Variants in ARPP21 observed in about 807,000 individuals in gnomAD.
ARPP21 encodes the protein cAMP-regulated phosphoprotein 21.
Under a neutral mutation model 113.2 loss-of-function variants are expected in ARPP21, and 69 were observed. The ratio of observed to expected loss-of-function variants is 0.61; its 90% CI spans 0.50 to 0.74. The LOEUF (loss-of-function observed/expected upper bound fraction) is 0.74, where lower values mean the gene tolerates loss of function less well. Among genes scored for constraint, ARPP21 ranks in the 30% least tolerant of loss-of-function variants. The pLI, the probability that ARPP21 is intolerant of heterozygous loss-of-function variation, is 0.00. For synonymous variants in ARPP21, 368 were observed against 375.5 expected (o/e 0.98, Z 0.23); for missense variants, 1,070 against 1,037.4 (o/e 1.03, Z -0.43).
At chr3:35,665,885 A>G (rs2074243349) in intron 1 of ARPP21, among the ~76,000 whole-genome samples, 1 of 152,146 alleles carries the variant, frequency 6.6e-6, no homozygotes, top group Non-Finnish European at 1.5e-5. Context: ...AGTAAAATGT[A>G]TCCTGCTCAT....
chr3:35,698,558 A>C (rs536408522), intron 9 of ARPP21, among the ~76,000 whole-genome samples: 1 of 151,706 alleles, frequency 6.6e-6, no homozygotes, highest in East Asian at 1.9e-4. Context: ...TTTAAAGGAG[A>C]GAAAACTGAG....
At chr3:35,766,170 G>T (rs1016983461) in intron 19 of ARPP21, among the ~76,000 whole-genome samples, 1 of 152,110 alleles carries the variant, frequency 6.6e-6, no homozygotes, top group African/African-American at 2.4e-5. Flanking sequence ...TGCAACTAGA[G>T]TCATGTTTTT....
intron 19 of ARPP21, among the ~76,000 whole-genome samples, chr3:35,755,493 C>A (rs2095540412): frequency 6.6e-6 from 1 of 151,992 alleles, no homozygotes; most frequent in Non-Finnish European, 1.5e-5. Flanking sequence ...TTTTTCTCTT[C>A]ATCAGTTCTT....
intron 19 of ARPP21, among the ~76,000 whole-genome samples, chr3:35,773,013 A>C (rs2096252408): frequency 6.6e-6 from 1 of 152,198 alleles, no homozygotes; most frequent in Admixed American, 6.5e-5. Context: ...GTGCTTGAAA[A>C]GCTGCTGTTT....
intron 19 of ARPP21, among the ~76,000 whole-genome samples, chr3:35,753,902 T>C (rs757894370): frequency 5.9e-5 from 9 of 151,688 alleles, no homozygotes; most frequent in Non-Finnish European, 8.8e-5. Context: ...TGAGTAAGGG[T>C]TGACAGTGAA....
chr3:35,706,928 C>A, intron 9 of ARPP21, 46 bp from the exon 10 acceptor site: 1 of 1,445,168 alleles, frequency 6.9e-7, no homozygotes, highest in Non-Finnish European at 9.6e-7. Flanking sequence ...TAACTTTAAA[C>A]AAGGGGGAAA....
intron 11 of ARPP21, among the ~76,000 whole-genome samples, chr3:35,710,429 A>G (rs992083405): frequency 6.6e-6 from 1 of 152,106 alleles, no homozygotes; most frequent in Non-Finnish European, 1.5e-5. Flanking sequence ...AGTGGCCTGG[A>G]AAGTAGCATT....
chr3:35,682,893 G>A lies in ARPP21; in HGVS notation c.171+4G>A, dbSNP rs761787406. ...TCAAGAAAGAAGAAAATCCAAGGTA[G>A]GGTTCTTAACATTCTAGGTAGACCT... is the stretch of plus-strand genomic sequence containing the variant. On this transcript the variant is annotated splice_donor_region_variant and intron_variant, in intron 4 of 20. Coordinates refer to ENST00000684406, the MANE Select transcript of ARPP21 (RefSeq NM_001385562.1). 52 of 1,607,618 alleles carry A rather than the reference G, an allele frequency of 3.2e-5. No individual in the cohort carries two copies. Among genetic ancestry groups the A allele is most frequent in the Non-Finnish European group, 4.4e-5 (52 of 1,176,116 alleles).
chr3:35,744,523 G>A, intron 19 of ARPP21: 1 of 528,686 alleles, frequency 1.9e-6, no homozygotes, highest in South Asian at 1.4e-5. Flanking sequence ...GTGAGTAGCA[G>A]GTCTCACAGT....
chr3:35,743,969 C>T lies in ARPP21; in HGVS notation c.2137+4C>T. The stretch of plus-strand genomic sequence containing the variant: ...CCACAGGCAGCACAGCAAGCAGGTA[C>T]TTGGAATCTGTTTCCCATTTGCTTC... On this transcript the variant is annotated splice_donor_region_variant and intron_variant, in intron 19 of 20. Transcript: ENST00000684406. The T allele has an allele frequency of 6.2e-7, 1 of 1,614,064 alleles. No homozygotes were observed. Among genetic ancestry groups the T allele is most frequent in the Non-Finnish European group, 8.5e-7 (1 of 1,179,954 alleles).
At chr3:35,745,775 A>G (rs752559336) in intron 19 of ARPP21, among the ~76,000 whole-genome samples, 2 of 152,216 alleles carry the variant, frequency 1.3e-5, no homozygotes, top group Non-Finnish European at 1.5e-5. Flanking sequence ...TTAATAAAGC[A>G]CAATGGGAGA....
At chr3:35,695,301 T>G (rs1419195844) in intron 9 of ARPP21, among the ~76,000 whole-genome samples, 2 of 151,530 alleles carry the variant, frequency 1.3e-5, no homozygotes, top group African/African-American at 2.4e-5. Flanking sequence ...GATGTTATGT[T>G]TTTGCAGTCA....
chr3:35,724,392 T>C (rs2093368522), intron 14 of ARPP21, among the ~76,000 whole-genome samples: 1 of 152,230 alleles, frequency 6.6e-6, no homozygotes, highest in Non-Finnish European at 1.5e-5. Flanking sequence ...TTGGCCTAGC[T>C]ATACTGTCAC....
rs760015523 is a variant in ARPP21, at chr3:35,689,316, A to G, written c.416A>G (p.Gln139Arg). 1.3e-6 allele frequency: 2 copies of G among 1,556,038 alleles called. No homozygotes were observed. The highest frequency in any genetic ancestry group is 1.8e-6 in the Non-Finnish European group (2 of 1,128,152). ...KIRMLSKDCSQEYTDSTGIDL... is the reference protein window; with the variant it reads ...KIRMLSKDCSREYTDSTGIDL... ...CTGCTATTTGTTTCAGATTGCAGCCAAGAATACACGGATTCTACAGGCATA... is the reference window on the plus strand; with the variant it reads ...CTGCTATTTGTTTCAGATTGCAGCCGAGAATACACGGATTCTACAGGCATA... Residue 139 changes from glutamine to arginine, a missense_variant, in exon 7 of 21, where the codon CAA becomes CGA. Gln to Arg is a conservative substitution (Grantham distance 43, BLOSUM62 1). Coordinates refer to ENST00000684406, the MANE Select transcript of ARPP21 (RefSeq NM_001385562.1).
chr3:35,738,162 A>G, intron 16 of ARPP21, 52 bp from the exon 17 acceptor site: 1 of 1,206,480 alleles, frequency 8.3e-7, no homozygotes, highest in South Asian at 1.3e-5. Flanking sequence ...ATCTTGTGAG[A>G]TTTCAACCCC....
At chr3:35,667,926 GAGGAGGAGA>G (rs1308625755) in intron 1 of ARPP21, among the ~76,000 whole-genome samples, 9 of 130,452 alleles carry the variant, frequency 6.9e-5, no homozygotes, top group Non-Finnish European at 3.1e-5. Flanking sequence ...GGAGGAGGAG[GAGGAGGAGA>G]AGGAGAAGAA....
chr3:35,649,796 A>G (rs1276515532), intron 1 of ARPP21, among the ~76,000 whole-genome samples: 1 of 152,150 alleles, frequency 6.6e-6, no homozygotes, highest in Non-Finnish European at 1.5e-5. Flanking sequence ...AAATGATAGG[A>G]ATAACCAGAG....
rs115981693 is a variant in ARPP21 at position 35,794,234 on chromosome 3, A to T, written c.*276A>T. 4.5e-6 allele frequency: 2 copies of T among 443,154 alleles called. No individual in the cohort carries two copies. Among genetic ancestry groups the T allele is most frequent in the African/African-American group, 3.9e-5 (2 of 51,390 alleles). 27.5% of individuals were successfully genotyped at this position (443,154 alleles called of 1,614,324 possible). ...CCTACCACTGAATACCACTGTGTAGATTATAATATCCCTAATTTGGATTAG... is the reference window on the plus strand; with the variant it reads ...CCTACCACTGAATACCACTGTGTAGTTTATAATATCCCTAATTTGGATTAG... On this transcript the variant is annotated 3_prime_UTR_variant, in exon 21 of 21. Coordinates refer to ENST00000684406, the MANE Select transcript of ARPP21 (RefSeq NM_001385562.1).
chr3:35,698,284 A>G (rs1412110663), intron 9 of ARPP21, among the ~76,000 whole-genome samples: 1 of 151,630 alleles, frequency 6.6e-6, no homozygotes, highest in African/African-American at 2.4e-5. Flanking sequence ...TGTAGATGAG[A>G]TAGGTAAATA....
Sources: allele counts gnomAD v4.1 joint callset (sites outside exome capture counted in the v4.1 genomes callset), GRCh38; gene constraint gnomAD v4.1.1; transcripts MANE v1.5; gene names NCBI Gene and HGNC (gene_info 2026-07-23, HGNC 2026-07-21).